RIMBP2: variants seen among roughly 807,000 people sequenced by gnomAD.
RIMBP2 encodes the protein RIMS binding protein 2.
RIMBP2 carries 48 observed loss-of-function variants against 118.6 expected under a neutral mutation model. The observed-to-expected ratio is 0.40, with a 90% CI of 0.32 to 0.51. The LOEUF is 0.51. Ranked by LOEUF, RIMBP2 falls within the 20% of genes least tolerant of loss-of-function variation. RIMBP2 has a pLI of 0.41. For missense variants in RIMBP2, 1,551 were observed against 1,768.3 expected, an observed-to-expected ratio of 0.88 and a Z score of 2.20; for synonymous variants, 762 against 742.9, an observed-to-expected ratio of 1.03 and a Z score of -0.42.
chr12:130,404,188 T>C (rs1324734581), intron 21 of RIMBP2, among the ~76,000 whole-genome samples: 1 of 152,180 alleles, frequency 6.6e-6, no homozygotes, highest in East Asian at 1.9e-4. Flanking sequence ...AGAAAAATGA[T>C]TTGTGGGGGA....
chr12:130,465,889 A>C (rs1206064460), intron 6 of RIMBP2: 3 of 152,308 alleles, frequency 2.0e-5, no homozygotes, highest in Admixed American at 2.0e-4. Flanking sequence ...GCCCCCACCC[A>C]GCACCTGCAG....
rs1285561444 is a variant in RIMBP2, at chr12:130,703,188, G to A, written c.-352+13034C>T. On this transcript the variant is annotated intron_variant, in intron 1 of 22. Coordinates refer to ENST00000690449, the MANE Select transcript of RIMBP2 (RefSeq NM_001393629.1). This position sits in a 1 kb window ranked among gnomAD's most constrained non-coding sequence, Gnocchi z 5.7. ...AAGTGGTCCGGCCTCCTAGCATGGG[G>A]GCAGCCAATTAACCAGGAGAGTCAC... Among the ~76,000 whole-genome samples the A allele has an allele frequency of 1.3e-5, 2 of 152,088 alleles. No individual in the cohort carries two copies. The highest frequency in any genetic ancestry group is 2.4e-5 in the African/African-American group (1 of 41,414).
chr12:130,591,913 T>C (rs2059294315), intron 2 of RIMBP2, among the ~76,000 whole-genome samples: 1 of 152,246 alleles, frequency 6.6e-6, no homozygotes, highest in Admixed American at 6.5e-5. Flanking sequence ...GCATCTTATC[T>C]GACAGCCTGG....
At chr12:130,478,201 T>C (rs1176372246) in intron 5 of RIMBP2, among the ~76,000 whole-genome samples, 2 of 152,170 alleles carry the variant, frequency 1.3e-5, no homozygotes, top group African/African-American at 4.8e-5. Flanking sequence ...CCCTGGTGCC[T>C]CTCTCCTTTC....
chr12:130,543,754 G>A (rs1221206521), intron 2 of RIMBP2, among the ~76,000 whole-genome samples: 2 of 144,584 alleles, frequency 1.4e-5, no homozygotes, highest in African/African-American at 5.0e-5. Flanking sequence ...GGTGCACCAG[G>A]TGGAAAAAAA....
intron 1 of RIMBP2, among the ~76,000 whole-genome samples, chr12:130,630,767 G>C (rs372529197): frequency 7.7e-4 from 118 of 152,300 alleles, no homozygotes; most frequent in African/African-American, 2.8e-3. Flanking sequence ...GAAGCCAACA[G>C]AATGTCTTTA....
intron 2 of RIMBP2, among the ~76,000 whole-genome samples, chr12:130,616,187 C>T (rs2060923293): frequency 6.6e-6 from 1 of 152,192 alleles, no homozygotes; most frequent in Admixed American, 6.5e-5. Context: ...ACGGTGTCCC[C>T]TTTCATCCCT....
intron 1 of RIMBP2, among the ~76,000 whole-genome samples, chr12:130,676,692 G>A (rs2064502792): frequency 6.6e-6 from 1 of 151,772 alleles, no homozygotes; most frequent in South Asian, 2.1e-4. Flanking sequence ...ATATTACTCA[G>A]CCACAAAAAG....
chr12:130,645,464 C>G (rs1307854219), intron 1 of RIMBP2, among the ~76,000 whole-genome samples: 1 of 152,206 alleles, frequency 6.6e-6, no homozygotes, highest in Non-Finnish European at 1.5e-5. Context: ...CCAGCACTGG[C>G]TGGATGTGAT....
chr12:130,705,370 C>T (rs1244987066), intron 1 of RIMBP2, among the ~76,000 whole-genome samples: 4 of 152,158 alleles, frequency 2.6e-5, no homozygotes, highest in Non-Finnish European at 4.4e-5. Flanking sequence ...CCCTGGCTGC[C>T]GCACCACCGC....
chr12:130,462,848 G>A (rs890664103), intron 6 of RIMBP2, among the ~76,000 whole-genome samples: 2 of 152,200 alleles, frequency 1.3e-5, no homozygotes, highest in Non-Finnish European at 2.9e-5. Flanking sequence ...TTGTCTGATG[G>A]GAGAATCTGC....
chr12:130,462,829 C>A (rs922002187), intron 6 of RIMBP2, among the ~76,000 whole-genome samples: 1 of 152,200 alleles, frequency 6.6e-6, no homozygotes, highest in Non-Finnish European at 1.5e-5. Flanking sequence ...GCACGTGCTC[C>A]GTAAATGCTT....
chr12:130,655,065 GACAC>G (rs2063367538), intron 1 of RIMBP2, among the ~76,000 whole-genome samples: 1 of 152,174 alleles, frequency 6.6e-6, no homozygotes. Context: ...ATTTGGGGGA[GACAC>G]ACATCCAAAC....
chr12:130,413,993 C>T lies in RIMBP2; in HGVS notation c.3420+132G>A, dbSNP rs59203907. 8.4e-3 allele frequency: 8,029 copies of T among 951,540 alleles called. 448 individuals are homozygous for T. The African/African-American group carries it at 0.12, about 14-fold the overall frequency. The allele number at this position is 951,540 out of a possible 1,614,324, so 58.9% of individuals were successfully genotyped here. On this transcript the variant is annotated intron_variant, in intron 18 of 22. Coordinates refer to ENST00000690449, the MANE Select transcript of RIMBP2 (RefSeq NM_001393629.1). ...TTGCCGTCACAGCACCATGCCACCT[C>T]CTCCCGTGCCTCGCCCATGGCCTGC... is the stretch of plus-strand genomic sequence containing the variant.
intron 4 of RIMBP2, among the ~76,000 whole-genome samples, chr12:130,505,302 G>C (rs1222236127): frequency 6.6e-6 from 1 of 152,056 alleles, no homozygotes; most frequent in Non-Finnish European, 1.5e-5. Context: ...TTTTCTAATT[G>C]AGATGGAATC....
At position 130,427,986 on chromosome 12, in the gene RIMBP2, C is replaced by G. The variant is rs556728366; in HGVS notation, c.2412+193G>C. On this transcript the variant is annotated intron_variant, in intron 15 of 22. Coordinates refer to ENST00000690449, the MANE Select transcript of RIMBP2 (RefSeq NM_001393629.1). Reference sequence around the variant, plus strand: ...AAACTCCTTTACCCAGACCTTTTGGCCAAGAGCAAGACAGGAGTGTAGGTA... The same window carrying G: ...AAACTCCTTTACCCAGACCTTTTGGGCAAGAGCAAGACAGGAGTGTAGGTA... The G allele has an allele frequency of 6.0e-4, 319 of 533,508 alleles. 2 individuals carry two copies. The highest frequency in any genetic ancestry group is 2.2e-3 in the Admixed American group (56 of 25,266). The allele number at this position is 533,508 out of a possible 1,614,324, so 33.0% of individuals were successfully genotyped here.
At chr12:130,612,283 C>A (rs112125589) in intron 2 of RIMBP2, among the ~76,000 whole-genome samples, 1,529 of 152,282 alleles carry the variant, frequency 0.01, 7 homozygotes, top group Non-Finnish European at 0.015. Flanking sequence ...GGGCTGAGTG[C>A]GGCCCCGGGT....
chr12:130,576,662 G>A lies in RIMBP2; in HGVS notation c.-217+51660C>T, dbSNP rs1317048142. On this transcript the variant is annotated intron_variant, in intron 2 of 22. Transcript: ENST00000690449. This position sits in a 1 kb window ranked among gnomAD's most constrained non-coding sequence, Gnocchi z 4.2. ...GATGAGGATGAAGCACGAGCTGGCA[G>A]GACAGGGAGGACGGCAGGGAGTCCT... is the stretch of plus-strand genomic sequence containing the variant. Among the ~76,000 whole-genome samples, 3 of 152,226 alleles carry A rather than the reference G, an allele frequency of 2.0e-5. No individual in the cohort carries two copies. The highest frequency in any genetic ancestry group is 2.1e-4 in the South Asian group (1 of 4,830).
In RIMBP2 at chr12:130,702,887, T is replaced by C. The variant is rs1470322678; in HGVS notation, c.-352+13335A>G. Among the ~76,000 whole-genome samples, 4 of 152,152 alleles carry C rather than the reference T, an allele frequency of 2.6e-5. No homozygotes were observed. The East Asian group carries it at 7.7e-4, about 29-fold the overall frequency. ...ATAAAACTGGAATTAATCATAGGGC[T>C]GTATGGAAATTCCATGAAATCAACC... is the stretch of plus-strand genomic sequence containing the variant. On this transcript the variant is annotated intron_variant, in intron 1 of 22. Coordinates refer to ENST00000690449, the MANE Select transcript of RIMBP2 (RefSeq NM_001393629.1).
Sources: gnomAD v4.1 joint callset for allele counts (sites outside exome capture counted in the v4.1 genomes callset) on GRCh38, gnomAD v4.1.1 for gene constraint, Gnocchi (gnomAD v3.1) non-coding constraint, MANE v1.5 for transcripts, NCBI Gene and HGNC (gene_info 2026-07-23, HGNC 2026-07-21) for gene names.